Variants in RNF19A observed in about 807,000 individuals in gnomAD.
RNF19A encodes the protein ring finger protein 19A, RBR E3 ubiquitin protein ligase.
Under a neutral mutation model 75.7 loss-of-function variants are expected in RNF19A, and 32 were observed. That is an observed-to-expected ratio of 0.42 (90% CI 0.32 to 0.57). The LOEUF is 0.57. Among genes scored for constraint, RNF19A ranks in the 20% least tolerant of loss-of-function variants. The pLI is 0.10. For missense variants in RNF19A, 782 were observed against 1,036.3 expected, an observed-to-expected ratio of 0.75 and a Z score of 3.37; for synonymous variants, 335 against 345.2, an observed-to-expected ratio of 0.97 and a Z score of 0.33.
rs1234656641 is a variant in RNF19A at position 100,309,537 on chromosome 8, G to GGCCGGCC, written c.-94+323_-94+329dup. 1.5e-5 allele frequency: 15 copies of GGCCGGCC among 985,208 alleles called. No homozygotes were observed. The African/African-American group carries it at 2.1e-4, about 14-fold the overall frequency. The allele number at this position is 985,208 out of a possible 1,614,324, so 61.0% of individuals were successfully genotyped here. A position where few individuals can be genotyped will look rare whatever the true frequency, so the allele number is the denominator to read the frequency against. On this transcript the variant is annotated intron_variant, in intron 1 of 9. Transcript: ENST00000341084. Reference sequence around the variant, plus strand: ...GCCTCGGCCCGTCATAATATCGCCGGGCCGGCCGCCGGCCGCACAGGCACC... The same window carrying GGCCGGCC: ...GCCTCGGCCCGTCATAATATCGCCGGGCCGGCCGCCGGCCGCCGGCCGCACAGGCACC...
In RNF19A at chr8:100,288,084, C is replaced by G. The variant is rs750236243; in HGVS notation, c.91G>C (p.Asp31His). 1 of 1,613,978 alleles carries G rather than the reference C, an allele frequency of 6.2e-7. No individual in the cohort carries two copies. Among genetic ancestry groups the G allele is most frequent in the African/African-American group, 1.3e-5 (1 of 74,898 alleles). The change falls in exon 2 of 10, where the codon GAC (aspartate) becomes CAC (histidine). Residue 31 changes from aspartate to histidine, a missense_variant. Physicochemically the swap from Asp to His is moderately conservative, Grantham distance 81 (BLOSUM62 -1). Coordinates refer to ENST00000341084, the MANE Select transcript of RNF19A (RefSeq NM_183419.4). ...CCCATTTGCCGATGTAAACTCATGT[C>G]TAAAATGCTTGTTAGAATTGAGACA... is the stretch of plus-strand genomic sequence containing the variant. Reference protein sequence around the residue: ...DPVSILTSILDMSLHRQMGSD... With the variant: ...DPVSILTSILHMSLHRQMGSD...
chr8:100,266,472 G>A (rs781306102), intron 5 of RNF19A, among the ~76,000 whole-genome samples: 1 of 152,040 alleles, frequency 6.6e-6, no homozygotes, highest in Non-Finnish European at 1.5e-5. Flanking sequence ...ATAACTACAT[G>A]AAAAATTACG....
chr8:100,296,589 A>ATG (rs1821575994), intron 1 of RNF19A, among the ~76,000 whole-genome samples: 1 of 70,936 alleles, frequency 1.4e-5, no homozygotes. Flanking sequence ...TAATTTGTGA[A>ATG]TATATATATA....
intron 1 of RNF19A, among the ~76,000 whole-genome samples, chr8:100,302,101 G>C (rs894342416): frequency 6.6e-6 from 1 of 152,218 alleles, no homozygotes; most frequent in East Asian, 1.9e-4. Context: ...TGGGGTTAAG[G>C]CCACTGTAAG....
At position 100,288,110 on chromosome 8, in the gene RNF19A, G is replaced by A; in HGVS notation, c.65C>T (p.Pro22Leu). ...YNEGLCVNTD[P>L]VSILTSILDM... ...TAAAATGCTTGTTAGAATTGAGACA[G>A]GGTCAGTGTTTACACACAGCCCTTC... Residue 22 changes from proline to leucine, a missense_variant, in exon 2 of 10, where the codon CCT becomes CTT. By Grantham distance (98) the Pro-to-Leu change is moderately conservative. This residue lies in a region of RNF19A where 148 missense variants were observed against 147.9 expected (regional missense o/e 1.00). Transcript: ENST00000341084. 6.2e-7 allele frequency: 1 copy of A among 1,614,074 alleles called. No homozygotes were observed. Among genetic ancestry groups the A allele is most frequent in the Non-Finnish European group, 8.5e-7 (1 of 1,180,002 alleles).
chr8:100,320,922 C>A (rs770805781), intron 1 of RNF19A, among the ~76,000 whole-genome samples: 1 of 152,150 alleles, frequency 6.6e-6, no homozygotes, highest in East Asian at 1.9e-4. Context: ...AATAGCATCA[C>A]GTGTAAAAAT....
intron 2 of RNF19A, among the ~76,000 whole-genome samples, chr8:100,279,338 G>A (rs139030415): frequency 1.3e-5 from 2 of 152,074 alleles, no homozygotes; most frequent in African/African-American, 4.8e-5. Context: ...GCATTACCAC[G>A]TCAAACATTT....
chr8:100,263,233 T>A (rs942395395), intron 7 of RNF19A, among the ~76,000 whole-genome samples: 2 of 152,094 alleles, frequency 1.3e-5, no homozygotes, highest in African/African-American at 4.8e-5. Flanking sequence ...CCAGCAAAGA[T>A]TAATGAGACG....
rs142797271 is a variant in RNF19A at position 100,330,372 on chromosome 8, T to G, written c.-243+5736A>C. 8.8e-4 allele frequency among the ~76,000 whole-genome samples: 134 copies of G among 152,310 alleles called. No homozygotes were observed. The highest frequency in any genetic ancestry group is 3.1e-3 in the African/African-American group (127 of 41,554). The stretch of plus-strand genomic sequence containing the variant: ...ATTTGGAGACCCATCCCTCCCTCAT[T>G]CTTGGTTCATAATATTAAAGTCATG... On this transcript the variant is annotated intron_variant, in intron 1 of 3. Transcript: ENST00000519527. This position sits in a 1 kb window ranked among gnomAD's most constrained non-coding sequence, Gnocchi z 4.1.
In RNF19A at chr8:100,261,092, A is replaced by T. The variant is rs1819690077; in HGVS notation, c.1682+450T>A. Among the ~76,000 whole-genome samples the T allele has an allele frequency of 2.0e-5, 3 of 151,766 alleles. No individual in the cohort carries two copies. Among genetic ancestry groups the T allele is most frequent in the Admixed American group, 2.0e-4 (3 of 15,236 alleles). On this transcript the variant is annotated intron_variant, in intron 8 of 9. Transcript: ENST00000341084. This position sits in a 1 kb window ranked among gnomAD's most constrained non-coding sequence, Gnocchi z 4.4. ...TATTCCTTAGACTTAGAAATCTACC[A>T]CCAAATTTTTCTTTTTTTTTTTGAG...
intron 1 of RNF19A, among the ~76,000 whole-genome samples, chr8:100,299,068 CAG>C (rs1563862020): frequency 6.6e-6 from 1 of 152,158 alleles, no homozygotes; most frequent in Non-Finnish European, 1.5e-5. Flanking sequence ...CAAAGGAAAA[CAG>C]ACACATTTTG....
intron 1 of RNF19A, among the ~76,000 whole-genome samples, chr8:100,327,098 C>G (rs1254415267): frequency 6.6e-6 from 1 of 152,100 alleles, no homozygotes. Flanking sequence ...AAAAGTCCCA[C>G]ACATCTTTGG....
Position 100,332,792 on chromosome 8 carries a change from T to C in RNF19A, c.-243+3316A>G, listed in dbSNP as rs1044892132. Reference sequence around the variant, plus strand: ...TTTAAAACCCATTTGTATTTCCTTTTCTAGAACCATTTGTTCATGTCCTTT... The same window carrying C: ...TTTAAAACCCATTTGTATTTCCTTTCCTAGAACCATTTGTTCATGTCCTTT... On this transcript the variant is annotated intron_variant, in intron 1 of 3. Coordinates refer to the RNF19A transcript ENST00000519527. The surrounding 1 kb of genome is among the most constrained non-coding windows in gnomAD (Gnocchi z 4.8). Among the ~76,000 whole-genome samples, 1 of 152,250 alleles carries C rather than the reference T, an allele frequency of 6.6e-6. No homozygotes were observed. The highest frequency in any genetic ancestry group is 1.5e-5 in the Non-Finnish European group (1 of 68,038).
chr8:100,289,885 C>T (rs1254957651), intron 1 of RNF19A, among the ~76,000 whole-genome samples: 1 of 152,080 alleles, frequency 6.6e-6, no homozygotes, highest in East Asian at 1.9e-4. Context: ...ATATTGGAAA[C>T]AACCCATAAT....
upstream of RNF19A, chr8:100,310,301 A>AC (rs540826691): frequency 2.3e-4 from 225 of 957,986 alleles, 3 homozygotes; most frequent in East Asian, 0.021. Flanking sequence ...GCCCCGCTGC[A>AC]CCCGGGTGGC....
At chr8:100,289,892 T>A (rs999014324) in intron 1 of RNF19A, among the ~76,000 whole-genome samples, 3 of 152,142 alleles carry the variant, frequency 2.0e-5, no homozygotes, top group Non-Finnish European at 4.4e-5. Context: ...AAACAACCCA[T>A]AATTTTATCA....
intron 1 of RNF19A, among the ~76,000 whole-genome samples, chr8:100,293,447 C>A (rs967553969): frequency 6.6e-6 from 1 of 152,212 alleles, no homozygotes; most frequent in Non-Finnish European, 1.5e-5. Flanking sequence ...TGGCCTCCAT[C>A]GTTTCTGACA....
chr8:100,310,104 C>G, upstream of RNF19A: 4 of 985,600 alleles, frequency 4.1e-6, no homozygotes, highest in South Asian at 4.7e-5. Context: ...ACTACCACCT[C>G]CCCCTCCCGC....
At chr8:100,289,468 C>G (rs941624649) in intron 1 of RNF19A, among the ~76,000 whole-genome samples, 2 of 152,036 alleles carry the variant, frequency 1.3e-5, no homozygotes, top group Non-Finnish European at 2.9e-5. Context: ...GCTTACAAAT[C>G]AATAAGAAAA....
Sources: allele counts gnomAD v4.1 joint callset (sites outside exome capture counted in the v4.1 genomes callset), GRCh38; gene constraint gnomAD v4.1.1; regional missense constraint gnomAD v4.1.1; non-coding constraint Gnocchi (gnomAD v3.1); transcripts MANE v1.5; gene names NCBI Gene and HGNC (gene_info 2026-07-23, HGNC 2026-07-21).